The following L3MBTL4 variants were observed in gnomAD, a reference collection of about 807,000 sequenced individuals.
L3MBTL4 encodes the protein lethal(3)malignant brain tumor-like protein 4.
A neutral mutation model predicts 84.5 loss-of-function variants in L3MBTL4; 70 were observed. The observed-to-expected ratio is 0.83, with a 90% CI of 0.68 to 1.01. L3MBTL4 has a LOEUF of 1.01. L3MBTL4 is among the 50% of genes least tolerant of loss of function. L3MBTL4 has a pLI of 0.00. For synonymous variants in L3MBTL4, 274 were observed against 259.8 expected, an observed-to-expected ratio of 1.05 and a Z score of -0.52; for missense variants, 715 against 754.8, an observed-to-expected ratio of 0.95 and a Z score of 0.62.
intron 1 of L3MBTL4, among the ~76,000 whole-genome samples, chr18:6,394,265 C>T (rs573249809): frequency 3.3e-5 from 5 of 152,132 alleles, no homozygotes; most frequent in South Asian, 2.1e-4. Flanking sequence ...GTCAGGAGTT[C>T]GAGACCAGCC....
At chr18:6,245,699 C>T (rs1227958645) in intron 5 of L3MBTL4, among the ~76,000 whole-genome samples, 1 of 151,704 alleles carries the variant, frequency 6.6e-6, no homozygotes, top group Non-Finnish European at 1.5e-5. Flanking sequence ...AAGCAATTCT[C>T]CTGCCTCAGC....
At chr18:6,283,949 C>A (rs2049437972) in intron 4 of L3MBTL4, among the ~76,000 whole-genome samples, 1 of 152,218 alleles carries the variant, frequency 6.6e-6, no homozygotes, top group Non-Finnish European at 1.5e-5. Flanking sequence ...GGTAAGATTT[C>A]TAAAAGACAA....
intron 16 of L3MBTL4, among the ~76,000 whole-genome samples, chr18:5,996,530 A>G (rs2053978549): frequency 6.6e-6 from 1 of 152,188 alleles, no homozygotes; most frequent in African/African-American, 2.4e-5. Context: ...GCAGCACTCT[A>G]GCAGCTGTGG....
chr18:6,082,357 G>T (rs1598683705), intron 15 of L3MBTL4: 1 of 151,922 alleles, frequency 6.6e-6, no homozygotes, highest in East Asian at 1.9e-4. Flanking sequence ...CATTCTTGTA[G>T]GAGAAAATAT....
At chr18:6,026,482 T>A (rs190343248) in intron 16 of L3MBTL4, among the ~76,000 whole-genome samples, 13 of 152,332 alleles carry the variant, frequency 8.5e-5, no homozygotes, top group Admixed American at 8.5e-4. Flanking sequence ...CAATAAGCTG[T>A]GGGAGACAGT....
At chr18:6,211,233 A>C (rs527412032) in intron 12 of L3MBTL4, among the ~76,000 whole-genome samples, 21 of 152,340 alleles carry the variant, frequency 1.4e-4, no homozygotes, top group Non-Finnish European at 2.5e-4. Flanking sequence ...ATAAGAGAAG[A>C]GTGCCTGTTG....
intron 16 of L3MBTL4, among the ~76,000 whole-genome samples, chr18:6,075,083 T>C (rs1022475887): frequency 6.6e-6 from 1 of 152,182 alleles, no homozygotes; most frequent in Non-Finnish European, 1.5e-5. Context: ...ATCATGTTCA[T>C]GAATTGGAAG....
chr18:6,297,686 C>G (rs1189187744), intron 4 of L3MBTL4, among the ~76,000 whole-genome samples: 1 of 152,078 alleles, frequency 6.6e-6, no homozygotes, highest in Non-Finnish European at 1.5e-5. Context: ...ATACTACTTG[C>G]AATATAATAA....
chr18:6,217,682 T>C (rs1265443385), intron 10 of L3MBTL4, among the ~76,000 whole-genome samples: 3 of 152,226 alleles, frequency 2.0e-5, no homozygotes, highest in Non-Finnish European at 4.4e-5. Flanking sequence ...TTGCTTCATA[T>C]TTTGATGTTA....
At chr18:6,225,381 G>A (rs1395196823) in intron 10 of L3MBTL4, among the ~76,000 whole-genome samples, 3 of 152,232 alleles carry the variant, frequency 2.0e-5, no homozygotes, top group Non-Finnish European at 2.9e-5. Context: ...AAGGTTAGGA[G>A]TGAAGCACAA....
intron 5 of L3MBTL4, chr18:6,260,333 T>A (rs1333303961): frequency 6.6e-6 from 1 of 152,204 alleles, no homozygotes; most frequent in East Asian, 1.9e-4. Context: ...ACATTGGTAG[T>A]TTGATAGGAA....
chr18:6,105,628 G>A (rs1444498774), intron 14 of L3MBTL4, among the ~76,000 whole-genome samples: 7 of 151,620 alleles, frequency 4.6e-5, no homozygotes, highest in East Asian at 4.0e-4. Flanking sequence ...ATGAAACCCC[G>A]TCTCTACTAA....
chr18:6,397,443 A>G (rs2055319785), intron 1 of L3MBTL4: 1 of 152,198 alleles, frequency 6.6e-6, no homozygotes, highest in Non-Finnish European at 1.5e-5. Context: ...ACAATCCATA[A>G]TCCAATCTTT....
At chr18:5,982,407 T>C (rs1293014122) in intron 16 of L3MBTL4, among the ~76,000 whole-genome samples, 1 of 152,236 alleles carries the variant, frequency 6.6e-6, no homozygotes, top group Non-Finnish European at 1.5e-5. Flanking sequence ...TGTTTCCTCA[T>C]GACAGGTCAG....
chr18:5,969,335 C>G (rs926491181), intron 17 of L3MBTL4, 58 bp downstream of exon 17: 8 of 1,581,186 alleles, frequency 5.1e-6, no homozygotes. Context: ...GGGCACCTTC[C>G]GCCTATTTCT....
intron 18 of L3MBTL4, among the ~76,000 whole-genome samples, chr18:5,957,897 T>G (rs1599556954): frequency 6.8e-6 from 1 of 147,916 alleles, no homozygotes; most frequent in South Asian, 2.1e-4. Flanking sequence ...GAGGCAGAGG[T>G]TGCAGTGAGA....
intron 1 of L3MBTL4, among the ~76,000 whole-genome samples, chr18:6,329,035 CAG>C (rs1306865255): frequency 6.6e-6 from 1 of 152,150 alleles, no homozygotes; most frequent in Non-Finnish European, 1.5e-5. Flanking sequence ...AATCAAGAAA[CAG>C]AACATGTGAA....
At chr18:6,296,570 G>C (rs2050116984) in intron 4 of L3MBTL4, among the ~76,000 whole-genome samples, 1 of 152,200 alleles carries the variant, frequency 6.6e-6, no homozygotes, top group East Asian at 1.9e-4. Flanking sequence ...GCCCCTCCAG[G>C]CAGAGAAAGC....
At chr18:6,295,346 C>CTATATATATA (rs71163269) in intron 4 of L3MBTL4, among the ~76,000 whole-genome samples, 26 of 81,384 alleles carry the variant, frequency 3.2e-4, no homozygotes, top group Admixed American at 9.8e-4. Context: ...CTCTCTCTCT[C>CTATATATATA]TATATATATA....
Sources: gnomAD v4.1 joint callset for allele counts (sites outside exome capture counted in the v4.1 genomes callset) on GRCh38, gnomAD v4.1.1 for gene constraint, MANE v1.5 for transcripts, NCBI Gene and HGNC (gene_info 2026-07-23, HGNC 2026-07-21) for gene names.